IP6K3: variants seen among roughly 807,000 people sequenced by gnomAD.
IP6K3 encodes the protein inositol hexakisphosphate kinase 3.
A neutral mutation model predicts 28.8 loss-of-function variants in IP6K3; 20 were observed. The observed-to-expected ratio is 0.70, with a 90% CI of 0.49 to 1.01. The LOEUF (loss-of-function observed/expected upper bound fraction) is 1.01, where lower values mean the gene tolerates loss of function less well. Among genes scored for constraint, IP6K3 ranks in the 50% least tolerant of loss-of-function variants. The pLI is 0.00. For synonymous variants in IP6K3, 213 were observed against 221.3 expected (o/e 0.96, Z 0.33); for missense variants, 480 against 537.1 (o/e 0.89, Z 1.05).
At position 33,728,627 on chromosome 6, in the gene IP6K3, C is replaced by T. The variant is rs9368775; in HGVS notation, c.200-327G>A. ...CCTTGCGTTCCAGTTCCTCTGTGCG[C>T]AGTCACACCTCCCAGTCACACCACA... On this transcript the variant is annotated intron_variant, in intron 2 of 5. Coordinates refer to ENST00000293756, the MANE Select transcript of IP6K3 (RefSeq NM_054111.5). Among the ~76,000 whole-genome samples the T allele has an allele frequency of 7.4e-4, 113 of 152,344 alleles. No homozygotes were observed. The East Asian group carries it at 0.021, about 28-fold the overall frequency.
chr6:33,725,323 G>T, intron 5 of IP6K3, 118 bp downstream of exon 5: 1 of 1,004,546 alleles, frequency 1.0e-6, no homozygotes, highest in South Asian at 1.9e-5. Context: ...CCTCCTCTGT[G>T]GCTCCTCCAG....
rs1561899570 is a variant in IP6K3, at chr6:33,725,525, T to C, written c.681A>G (p.Ala227=). ...KMGTRQHGDD[A]SEEKKARHMR... is the part of the protein sequence containing the mutation. The stretch of plus-strand genomic sequence containing the variant: ...TGTGGCGGGCCTTCTTCTCCTCCGA[T>C]GCATCATCGCCGTGCTGCCGGGTCC... Residue 227 remains alanine, a synonymous_variant, in exon 5 of 6, where the codon GCA becomes GCG. Coordinates refer to ENST00000293756, the MANE Select transcript of IP6K3 (RefSeq NM_054111.5). 1.2e-6 allele frequency: 2 copies of C among 1,614,170 alleles called. No homozygotes were observed. The highest frequency in any genetic ancestry group is 1.3e-5 in the African/African-American group (1 of 75,052).
chr6:33,726,428 C>T (rs755890500), intron 4 of IP6K3, among the ~76,000 whole-genome samples: 11 of 152,226 alleles, frequency 7.2e-5, no homozygotes, highest in Non-Finnish European at 1.5e-4. Flanking sequence ...CAGACATGCC[C>T]ATCCCAACCC....
Position 33,725,580 on chromosome 6 carries a change from G to A in IP6K3, c.626C>T (p.Thr209Met), listed in dbSNP as rs145073660. The A allele has an allele frequency of 2.5e-5, 41 of 1,614,030 alleles. No individual in the cohort carries two copies. Among genetic ancestry groups the A allele is most frequent in the Non-Finnish European group, 3.1e-5 (36 of 1,180,008 alleles). ...LLLENVVSQY[T>M]HPCVLDLKMG... ...CTTCAGATCCAGGACACAGGGATGC[G>A]TGTACTGTGACACTACATTTTCCAG... Residue 209 changes from threonine to methionine, a missense_variant, in exon 5 of 6, where the codon ACG becomes ATG. Thr to Met is a moderately conservative substitution (Grantham distance 81, BLOSUM62 -1). Coordinates refer to ENST00000293756, the MANE Select transcript of IP6K3 (RefSeq NM_054111.5).
intron 2 of IP6K3, among the ~76,000 whole-genome samples, chr6:33,731,210 G>A (rs1766310943): frequency 2.0e-5 from 3 of 152,158 alleles, no homozygotes; most frequent in Non-Finnish European, 2.9e-5. Context: ...CCGGTCCTGT[G>A]CAGGGCCCTT....
the IP6K3 span, among the ~76,000 whole-genome samples, chr6:33,756,307 T>C: frequency 6.6e-6 from 1 of 152,188 alleles, no homozygotes; most frequent in Non-Finnish European, 1.5e-5. Flanking sequence ...AGGTGTCTTT[T>C]GAGCAGAGAC....
intron 5 of IP6K3, among the ~76,000 whole-genome samples, 169 bp from the exon 6 acceptor site, chr6:33,723,356 T>C (rs1452463258): frequency 6.6e-6 from 1 of 152,086 alleles, no homozygotes; most frequent in Non-Finnish European, 1.5e-5. Flanking sequence ...AGTGCCAGAG[T>C]AGCTTTTACA....
At chr6:33,758,939 T>C in the IP6K3 span, among the ~76,000 whole-genome samples, 1 of 152,202 alleles carries the variant, frequency 6.6e-6, no homozygotes, top group Non-Finnish European at 1.5e-5. Flanking sequence ...CCTAATATGC[T>C]GTATGGCTCA....
In IP6K3 at chr6:33,725,495, C is replaced by T. The variant is rs1160522829; in HGVS notation, c.711G>A (p.Arg237=). ...AGGCTGAGGTGCTCTGCGCACACTT[C>T]CTCATGTGGCGGGCCTTCTTCTCCT... The part of the protein sequence containing the change: ...ASEEKKARHM[R]KCAQSTSACL... Residue 237 remains arginine (R), a synonymous_variant, in exon 5 of 6, where the codon AGG becomes AGA. Coordinates refer to ENST00000293756, the MANE Select transcript of IP6K3 (RefSeq NM_054111.5). 7.4e-6 allele frequency: 12 copies of T among 1,613,762 alleles called. No homozygotes were observed. The highest frequency in any genetic ancestry group is 9.3e-6 in the Non-Finnish European group (11 of 1,180,042).
At position 33,741,060 on chromosome 6, in the gene IP6K3, C is replaced by T. The variant is rs376006975; in HGVS notation, c.-179-5405G>A. On this transcript the variant is annotated intron_variant, in intron 1 of 5. Transcript: ENST00000293756. ...ACGTGATTTGCTTTTGCCAGCATCACGTGGGTGGGTGCCATGTGTTACTTC... is the reference window on the plus strand; with the variant it reads ...ACGTGATTTGCTTTTGCCAGCATCATGTGGGTGGGTGCCATGTGTTACTTC... Among the ~76,000 whole-genome samples, 4 of 152,232 alleles carry T rather than the reference C, an allele frequency of 2.6e-5. No homozygotes were observed. The East Asian group carries it at 7.7e-4, about 29-fold the overall frequency.
chr6:33,756,548 C>A, the IP6K3 span, among the ~76,000 whole-genome samples: 1 of 152,188 alleles, frequency 6.6e-6, no homozygotes, highest in Admixed American at 6.5e-5. Flanking sequence ...GGACAGGGGT[C>A]AATCCTAAAC....
the IP6K3 span, among the ~76,000 whole-genome samples, chr6:33,757,637 A>G: frequency 2.0e-5 from 3 of 152,216 alleles, no homozygotes; most frequent in African/African-American, 7.2e-5. Flanking sequence ...GATTTATAAT[A>G]AGAAATCAGA....
rs916485399 is a variant in IP6K3 at position 33,729,917 on chromosome 6, T to C, written c.200-1617A>G. ...TTAGTAGAGACGGGGTTTCATCATCTTGGCTAGGCTGGTGTCGAACTCCTG... is the reference window on the plus strand; with the variant it reads ...TTAGTAGAGACGGGGTTTCATCATCCTGGCTAGGCTGGTGTCGAACTCCTG... On this transcript the variant is annotated intron_variant, in intron 2 of 5. Coordinates refer to ENST00000293756, the MANE Select transcript of IP6K3 (RefSeq NM_054111.5). 3.3e-4 allele frequency among the ~76,000 whole-genome samples: 50 copies of C among 152,128 alleles called. 2 individuals carry two copies.
At chr6:33,736,547 G>A (rs1561907475) in intron 1 of IP6K3, among the ~76,000 whole-genome samples, 1 of 152,210 alleles carries the variant, frequency 6.6e-6, no homozygotes. Context: ...TGGGATTACA[G>A]GCGCCTGCCA....
chr6:33,758,270 T>G, the IP6K3 span, among the ~76,000 whole-genome samples: 1 of 152,166 alleles, frequency 6.6e-6, no homozygotes, highest in African/African-American at 2.4e-5. Flanking sequence ...ATCCCAGCGC[T>G]TTGGGAGGCC....
At chr6:33,740,731 T>C (rs901730785) in intron 1 of IP6K3, among the ~76,000 whole-genome samples, 7 of 151,978 alleles carry the variant, frequency 4.6e-5, no homozygotes, top group East Asian at 1.9e-4. Flanking sequence ...TTCCGGAGAG[T>C]CTTTGTATCT....
At position 33,723,049 on chromosome 6, in the gene IP6K3, T is replaced by A; in HGVS notation, c.904A>T (p.Ile302Phe). ...SHLRRELLEP[I>F]LHQLRALLSV... ...AGGAGGGCCCGGAGCTGGTGCAGGA[T>A]GGGCTCCAGGAGCTCCCTCCGGAGG... Residue 302 changes from isoleucine (I) to phenylalanine (F), a missense_variant, in exon 6 of 6, where the codon ATC becomes TTC. By Grantham distance (21) the Ile-to-Phe change is conservative (BLOSUM62 0). Transcript: ENST00000293756. The A allele has an allele frequency of 6.2e-7, 1 of 1,614,106 alleles. No individual in the cohort carries two copies. The highest frequency in any genetic ancestry group is 1.1e-5 in the South Asian group (1 of 91,068).
the IP6K3 span, among the ~76,000 whole-genome samples, chr6:33,760,807 T>C: frequency 2.6e-5 from 4 of 152,020 alleles, no homozygotes; most frequent in African/African-American, 4.8e-5. Context: ...ATTACAGGAG[T>C]GAGCCATCGC....
Position 33,744,701 on chromosome 6 carries a change from T to C in IP6K3, c.-180+2057A>G, listed in dbSNP as rs1486905085. Among the ~76,000 whole-genome samples, 1 of 152,208 alleles carries C rather than the reference T, an allele frequency of 6.6e-6. No individual in the cohort carries two copies. The highest frequency in any genetic ancestry group is 6.5e-5 in the Admixed American group (1 of 15,284). On this transcript the variant is annotated intron_variant, in intron 1 of 5. Transcript: ENST00000293756. The surrounding 1 kb of genome is among the most constrained non-coding windows in gnomAD (Gnocchi z 4.4). ...GGAACTGCCCTAGGTTTGCCTGGCTTTGCCCAGACCTGTCCCAGAGAGCCT... is the reference window on the plus strand; with the variant it reads ...GGAACTGCCCTAGGTTTGCCTGGCTCTGCCCAGACCTGTCCCAGAGAGCCT...
Sources: allele counts gnomAD v4.1 joint callset (sites outside exome capture counted in the v4.1 genomes callset), GRCh38; gene constraint gnomAD v4.1.1; non-coding constraint Gnocchi (gnomAD v3.1); transcripts MANE v1.5; gene names NCBI Gene and HGNC (gene_info 2026-07-23, HGNC 2026-07-21).